The following FRAS1 variants were observed in gnomAD, a reference collection of about 807,000 sequenced individuals.
FRAS1 encodes Fraser extracellular matrix complex subunit 1.
In FRAS1, 290 loss-of-function variants were observed where a neutral mutation model predicts 435.2. The observed-to-expected ratio is 0.67, with a 90% confidence interval of 0.61 to 0.73. FRAS1 has a LOEUF of 0.73. Ranked by LOEUF, FRAS1 falls within the 30% of genes least tolerant of loss-of-function variation. FRAS1 has a pLI of 0.00. For synonymous variants in FRAS1, 1,800 were observed against 1,851.0 expected, an observed-to-expected ratio of 0.97 and a Z score of 0.71; for missense variants, 4,860 against 5,001.5, an observed-to-expected ratio of 0.97 and a Z score of 0.85.
At chr4:78,508,639 A>G in intron 62 of FRAS1, 92 bp from the exon 63 acceptor site, 1 of 1,303,966 alleles carries the variant, frequency 7.7e-7, no homozygotes. Flanking sequence ...TGTAGACACT[A>G]AGAGATCTTG....
intron 20 of FRAS1, among the ~76,000 whole-genome samples, chr4:78,346,030 G>A (rs1220394096): frequency 6.6e-6 from 1 of 152,134 alleles, no homozygotes; most frequent in Admixed American, 6.5e-5. Flanking sequence ...TATAGGTCAG[G>A]GCTTGAATTG....
intron 2 of FRAS1, among the ~76,000 whole-genome samples, chr4:78,141,952 A>G (rs1401185072): frequency 2.6e-5 from 4 of 152,126 alleles, no homozygotes; most frequent in Non-Finnish European, 5.9e-5. Flanking sequence ...TAAAGGCCTA[A>G]GAATGATACA....
intron 35 of FRAS1, among the ~76,000 whole-genome samples, chr4:78,426,568 A>G (rs1734006042): frequency 6.6e-6 from 1 of 152,214 alleles, no homozygotes; most frequent in South Asian, 2.1e-4. Flanking sequence ...AGAATGAAGG[A>G]GAACCACCCA....
chr4:78,363,978 C>T lies in FRAS1; in HGVS notation c.2646C>T (p.Leu882=), dbSNP rs535942655. The change falls in exon 22 of 74, where the codon CTC becomes CTT. Residue 882 remains leucine, a synonymous_variant. Transcript: ENST00000512123. ...CCTGCTCCTCATGTGACACCAACCT[C>T]GTGCTGTCCCACACTGGCACCTGCA... ...PFSCSSCDTN[L]VLSHTGTCST... is the part of the protein sequence containing the mutation. The T allele has an allele frequency of 1.1e-5, 17 of 1,612,226 alleles. No homozygotes were observed. The highest frequency in any genetic ancestry group is 1.7e-4 in the Middle Eastern group (1 of 6,056).
chr4:78,274,255 CA>C (rs1220789735), intron 9 of FRAS1, among the ~76,000 whole-genome samples: 2 of 152,038 alleles, frequency 1.3e-5, no homozygotes, highest in Admixed American at 1.3e-4. Context: ...TTGATCTTTT[CA>C]AAAAACTAGC....
intron 37 of FRAS1, among the ~76,000 whole-genome samples, chr4:78,431,279 T>C (rs62308078): frequency 6.6e-6 from 1 of 152,090 alleles, no homozygotes; most frequent in African/African-American, 2.4e-5. Flanking sequence ...AGAAATGTCA[T>C]TAGAATAGAT....
rs544680614 is a variant in FRAS1, at chr4:78,335,968, T to TA, written c.2279-1700dup. On this transcript the variant is annotated intron_variant, in intron 19 of 73. Coordinates refer to ENST00000512123, the MANE Select transcript of FRAS1 (RefSeq NM_025074.7). ...TCTATCATGATTTCTCTTTTATTTCTAAAAAATAGACAGTTGGGGCCTGCT... is the reference window on the plus strand; with the variant it reads ...TCTATCATGATTTCTCTTTTATTTCTAAAAAAATAGACAGTTGGGGCCTGCT... Among the ~76,000 whole-genome samples the TA allele has an allele frequency of 8.6e-5, 13 of 151,630 alleles. 1 individual carries two copies. Among genetic ancestry groups the TA allele is most frequent in the Non-Finnish European group, 1.5e-4 (10 of 67,938 alleles).
At chr4:78,329,090 A>G (rs753624177) in intron 18 of FRAS1, among the ~76,000 whole-genome samples, 4 of 152,234 alleles carry the variant, frequency 2.6e-5, no homozygotes, top group Non-Finnish European at 5.9e-5. Flanking sequence ...CTCAGTATCA[A>G]CGTAGACCCA....
chr4:78,129,551 G>T (rs1719576126), intron 2 of FRAS1, among the ~76,000 whole-genome samples: 1 of 137,886 alleles, frequency 7.3e-6, no homozygotes, highest in Non-Finnish European at 1.5e-5. Context: ...CAGGGTAGTG[G>T]CCATGGCCCC....
intron 2 of FRAS1, among the ~76,000 whole-genome samples, chr4:78,151,993 G>A (rs111779994): frequency 2.6e-5 from 4 of 152,178 alleles, no homozygotes; most frequent in South Asian, 2.1e-4. Context: ...TGCAATAATC[G>A]TATTAGTCTG....
chr4:78,169,562 A>G (rs1191259104), intron 2 of FRAS1, among the ~76,000 whole-genome samples: 2 of 152,156 alleles, frequency 1.3e-5, no homozygotes, highest in South Asian at 4.1e-4. Context: ...CGTATAGCAC[A>G]TAGTAGGTGC....
At chr4:78,376,705 C>T (rs1447033666) in intron 26 of FRAS1, among the ~76,000 whole-genome samples, 1 of 151,970 alleles carries the variant, frequency 6.6e-6, no homozygotes, top group Non-Finnish European at 1.5e-5. Flanking sequence ...AAATATGTAA[C>T]ATCGGCCGGG....
intron 35 of FRAS1, among the ~76,000 whole-genome samples, chr4:78,428,386 A>T (rs1046559765): frequency 4.6e-5 from 7 of 152,096 alleles, no homozygotes; most frequent in African/African-American, 1.7e-4. Flanking sequence ...GCAGTGGTGC[A>T]ATCTCGGCTC....
intron 60 of FRAS1, among the ~76,000 whole-genome samples, chr4:78,499,215 A>G (rs1240407981): frequency 6.6e-6 from 1 of 152,178 alleles, no homozygotes; most frequent in Non-Finnish European, 1.5e-5. Flanking sequence ...TGAGAGCACT[A>G]AGAGGAGGGG....
intron 18 of FRAS1, among the ~76,000 whole-genome samples, chr4:78,327,966 A>G (rs1438945442): frequency 1.3e-5 from 2 of 152,230 alleles, no homozygotes; most frequent in Non-Finnish European, 2.9e-5. Flanking sequence ...CATCCAGCGT[A>G]TTCTTTTCCC....
intron 47 of FRAS1, among the ~76,000 whole-genome samples, chr4:78,455,072 C>CT (rs1282620251): frequency 2.0e-5 from 3 of 152,160 alleles, no homozygotes; most frequent in Non-Finnish European, 4.4e-5. Flanking sequence ...TCCAGTAACT[C>CT]TGAGAAGAGC....
intron 2 of FRAS1, chr4:78,180,967 G>A: frequency 6.2e-7 from 1 of 1,610,550 alleles, no homozygotes; most frequent in Non-Finnish European, 8.5e-7. Flanking sequence ...CCACGCCCAT[G>A]TCCACCTTGT....
chr4:78,208,404 A>G (rs1723354660), intron 2 of FRAS1, among the ~76,000 whole-genome samples: 1 of 152,216 alleles, frequency 6.6e-6, no homozygotes, highest in Non-Finnish European at 1.5e-5. Flanking sequence ...CCCCCGCAAA[A>G]TCACACTAGC....
At chr4:78,281,281 C>A in intron 10 of FRAS1, 117 bp from the exon 11 acceptor site, 1 of 648,664 alleles carries the variant, frequency 1.5e-6, no homozygotes, top group East Asian at 3.2e-5. Context: ...TATTCATAAC[C>A]AGTGAATAAA....
Sources: gnomAD v4.1 joint callset for allele counts (sites outside exome capture counted in the v4.1 genomes callset) on GRCh38, gnomAD v4.1.1 for gene constraint, MANE v1.5 for transcripts, NCBI Gene and HGNC (gene_info 2026-07-23, HGNC 2026-07-21) for gene names.